ERBB4: variants seen among roughly 807,000 people sequenced by gnomAD.
ERBB4 encodes the protein receptor tyrosine-protein kinase erbB-4.
A neutral mutation model predicts 158.0 loss-of-function variants in ERBB4; 42 were observed. The observed-to-expected ratio is 0.27, with a 90% CI of 0.21 to 0.34. The LOEUF (loss-of-function observed/expected upper bound fraction) is 0.34. Among genes scored for constraint, ERBB4 ranks in the 10% least tolerant of loss-of-function variants. The pLI is 1.00. For synonymous variants in ERBB4, 583 were observed against 558.7 expected (o/e 1.04, Z -0.61); for missense variants, 1,333 against 1,624.1 (o/e 0.82, Z 3.08).
intron 16 of ERBB4, among the ~76,000 whole-genome samples, chr2:211,649,370 A>C (rs1050442431): frequency 6.6e-6 from 1 of 151,916 alleles, no homozygotes; most frequent in African/African-American, 2.4e-5. Flanking sequence ...AAGGTGGCAA[A>C]AACAAGCTCC....
chr2:211,945,912 A>G (rs1354280102), intron 3 of ERBB4, among the ~76,000 whole-genome samples: 2 of 152,056 alleles, frequency 1.3e-5, no homozygotes, highest in Non-Finnish European at 2.9e-5. Flanking sequence ...CTATAATCAG[A>G]GGGAAATCAT....
At chr2:212,099,370 G>A (rs926338973) in intron 2 of ERBB4, among the ~76,000 whole-genome samples, 2 of 151,848 alleles carry the variant, frequency 1.3e-5, no homozygotes, top group Admixed American at 1.3e-4. Context: ...TATCTATCTA[G>A]TTATAAGAAA....
intron 20 of ERBB4, among the ~76,000 whole-genome samples, chr2:211,450,845 A>AC (rs2064228665): frequency 6.6e-6 from 1 of 152,156 alleles, no homozygotes; most frequent in Admixed American, 6.5e-5. Context: ...GCTGTTACTT[A>AC]CCTGTTGTCT....
chr2:211,750,762 T>A, intron 4 of ERBB4, 58 bp from the exon 5 acceptor site: 11 of 1,364,964 alleles, frequency 8.1e-6, no homozygotes, highest in African/African-American at 1.4e-5. Flanking sequence ...ACTCCTTGAC[T>A]AGGAGTAACT....
rs182187027 is a variant in ERBB4, at chr2:211,827,154, C to T, written c.422-38995G>A. Among the ~76,000 whole-genome samples the T allele has an allele frequency of 3.3e-3, 497 of 152,024 alleles. 2 individuals are homozygous for T. Among genetic ancestry groups the T allele is most frequent in the Middle Eastern group, 0.01 (3 of 294 alleles). On this transcript the variant is annotated intron_variant, in intron 3 of 27. Transcript: ENST00000342788. Reference sequence around the variant, plus strand: ...TAAAATTTAGAATGTTAGACTCTTACCCTACCCATGCTCTATCCGAAAATG... The same window carrying T: ...TAAAATTTAGAATGTTAGACTCTTATCCTACCCATGCTCTATCCGAAAATG...
intron 2 of ERBB4, 115 bp downstream of exon 2, chr2:212,124,637 C>T: frequency 1.7e-6 from 2 of 1,178,594 alleles, no homozygotes; most frequent in South Asian, 1.2e-5. Context: ...CCTATAGTCA[C>T]AGTGCCTGCC....
At chr2:211,736,613 A>C (rs768083153) in intron 5 of ERBB4, among the ~76,000 whole-genome samples, 34 of 152,298 alleles carry the variant, frequency 2.2e-4, no homozygotes, top group Admixed American at 4.6e-4. Context: ...CTGGTGATAA[A>C]ATTTCCCTTT....
intron 3 of ERBB4, among the ~76,000 whole-genome samples, chr2:211,888,685 G>T (rs1356457557): frequency 3.3e-5 from 5 of 152,012 alleles, no homozygotes; most frequent in East Asian, 3.9e-4. Flanking sequence ...CAGGCCAGTG[G>T]GTGCGCGCAC....
chr2:212,192,067 A>T (rs559033549), intron 1 of ERBB4, among the ~76,000 whole-genome samples: 1 of 89,064 alleles, frequency 1.1e-5, no homozygotes, highest in Non-Finnish European at 2.5e-5. Context: ...TATATATGTT[A>T]TATGTTATAT....
chr2:211,381,727 A>AT lies in ERBB4; in HGVS notation c.*1887dup, dbSNP rs1409516399. On this transcript the variant is annotated 3_prime_UTR_variant, in exon 28 of 28. Transcript: ENST00000342788. ...TAGGAAGAAACACAAATTTCTTTGG[A>AT]TTTTTTTCTCTAAACTTTCTCTGCC... The AT allele has an allele frequency of 4.3e-6, 1 of 231,276 alleles. No homozygotes were observed. Among genetic ancestry groups the AT allele is most frequent in the Non-Finnish European group, 8.6e-6 (1 of 116,892 alleles). 14.3% of individuals were successfully genotyped at this position (231,276 alleles called of 1,614,324 possible).
intron 1 of ERBB4, among the ~76,000 whole-genome samples, chr2:212,318,013 A>G (rs1262036357): frequency 6.6e-6 from 1 of 151,666 alleles, no homozygotes; most frequent in Non-Finnish European, 1.5e-5. Flanking sequence ...AATAAAGGCA[A>G]ACTTTCATTG....
At chr2:211,691,858 C>G (rs1007251643) in intron 12 of ERBB4, among the ~76,000 whole-genome samples, 3 of 152,096 alleles carry the variant, frequency 2.0e-5, no homozygotes, top group Non-Finnish European at 4.4e-5. Flanking sequence ...ACCCTGTAAA[C>G]TGGTGAGATG....
At chr2:211,823,134 C>T (rs2077029547) in intron 3 of ERBB4, among the ~76,000 whole-genome samples, 1 of 151,926 alleles carries the variant, frequency 6.6e-6, no homozygotes, top group Non-Finnish European at 1.5e-5. Context: ...AATCACCAGA[C>T]CAGAACTTAG....
At chr2:211,554,126 G>C (rs1012453687) in intron 20 of ERBB4, among the ~76,000 whole-genome samples, 2 of 152,220 alleles carry the variant, frequency 1.3e-5, no homozygotes, top group Non-Finnish European at 2.9e-5. Context: ...CGTTGAAGAA[G>C]AGCAGGTCAC....
intron 14 of ERBB4, among the ~76,000 whole-genome samples, chr2:211,668,980 T>C (rs1038373545): frequency 6.6e-6 from 1 of 152,024 alleles, no homozygotes; most frequent in Admixed American, 6.6e-5. Context: ...CCCAGCACTT[T>C]GGGAGGCCTA....
Position 211,413,309 on chromosome 2 carries a change from A to AACACAC in ERBB4, c.3135+7126_3135+7131dup, listed in dbSNP as rs36108369. ...GGACAGAGAGAGACCCTGTCTTAAA[A>AACACAC]ACACACACACACACACACACACACA... is the stretch of plus-strand genomic sequence containing the variant. On this transcript the variant is annotated intron_variant, in intron 25 of 27. Coordinates refer to ENST00000342788, the MANE Select transcript of ERBB4 (RefSeq NM_005235.3). Among the ~76,000 whole-genome samples, 253 of 94,564 alleles carry AACACAC rather than the reference A, an allele frequency of 2.7e-3. 10 individuals are homozygous for AACACAC. The highest frequency in any genetic ancestry group is 8.1e-3 in the African/African-American group (210 of 26,042). The allele number at this position is 94,564 out of a possible 152,430, so 62.0% of individuals were successfully genotyped here.
intron 2 of ERBB4, among the ~76,000 whole-genome samples, chr2:212,024,351 T>C (rs1028757704): frequency 1.2e-4 from 18 of 151,976 alleles, no homozygotes; most frequent in Admixed American, 2.6e-4. Context: ...AGAGCTTTGT[T>C]AATGTTATCT....
At chr2:211,408,438 G>T (rs765564154) in intron 25 of ERBB4, among the ~76,000 whole-genome samples, 3 of 152,142 alleles carry the variant, frequency 2.0e-5, no homozygotes, top group Non-Finnish European at 4.4e-5. Context: ...AACAAAGAGT[G>T]GATGAAGCCT....
chr2:211,780,817 T>C (rs2076015203), intron 4 of ERBB4, among the ~76,000 whole-genome samples: 1 of 152,254 alleles, frequency 6.6e-6, no homozygotes, highest in African/African-American at 2.4e-5. Context: ...GTTTTATCGG[T>C]ATTTTAGAAA....
Sources: gnomAD v4.1 joint callset for allele counts (sites outside exome capture counted in the v4.1 genomes callset) on GRCh38, gnomAD v4.1.1 for gene constraint, MANE v1.5 for transcripts, NCBI Gene and HGNC (gene_info 2026-07-23, HGNC 2026-07-21) for gene names.